The following BICC1 variants were observed in gnomAD, a reference collection of about 807,000 sequenced individuals.
The protein encoded by BICC1 is protein bicaudal C homolog 1.
BICC1 carries 43 observed loss-of-function variants against 111.0 expected under a neutral mutation model. The ratio of observed to expected loss-of-function variants is 0.39; its 90% CI spans 0.30 to 0.50. The LOEUF is 0.50. Among genes scored for constraint, BICC1 ranks in the 20% least tolerant of loss-of-function variants. BICC1 has a pLI of 0.88. For missense variants in BICC1, 1,091 were observed against 1,203.2 expected, an observed-to-expected ratio of 0.91 and a Z score of 1.38; for synonymous variants, 467 against 434.4, an observed-to-expected ratio of 1.07 and a Z score of -0.93.
At chr10:58,696,862 T>G (rs1840078629) in intron 2 of BICC1, among the ~76,000 whole-genome samples, 1 of 152,218 alleles carries the variant, frequency 6.6e-6, no homozygotes, top group Admixed American at 6.5e-5. Flanking sequence ...TTTGTGGTGG[T>G]GAAAACAGGG....
At chr10:58,663,594 G>A (rs1385223153) in intron 2 of BICC1, among the ~76,000 whole-genome samples, 3 of 152,152 alleles carry the variant, frequency 2.0e-5, no homozygotes, top group Non-Finnish European at 2.9e-5. Context: ...TCAGATCAGC[G>A]GCAGCATTAG....
intron 2 of BICC1, among the ~76,000 whole-genome samples, chr10:58,695,611 T>A (rs576257166): frequency 3.8e-4 from 58 of 152,348 alleles, no homozygotes; most frequent in Admixed American, 5.9e-4. Context: ...TCTGAGATGC[T>A]GATTACTTAC....
intron 3 of BICC1, among the ~76,000 whole-genome samples, chr10:58,741,951 A>G (rs1165481897): frequency 6.6e-6 from 1 of 152,218 alleles, no homozygotes; most frequent in Non-Finnish European, 1.5e-5. Flanking sequence ...ATAATCATTT[A>G]AGCCTTGGAC....
rs142406700 is a variant in BICC1 at position 58,796,379 on chromosome 10, A to G, written c.1219A>G (p.Met407Val). 43 of 1,613,832 alleles carry G rather than the reference A, an allele frequency of 2.7e-5. No homozygotes were observed. Among genetic ancestry groups the G allele is most frequent in the Non-Finnish European group, 6.8e-6 (8 of 1,179,986 alleles). Residue 407 changes from methionine (M) to valine (V), a missense_variant, in exon 10 of 21, where the codon ATG (methionine) becomes GTG (valine). By Grantham distance (21) the Met-to-Val change is conservative. This residue lies in a region of BICC1 where 843 missense variants were observed against 900.8 expected (regional missense o/e 0.94). Transcript: ENST00000373886. The part of the protein sequence containing the change: ...VKSVERNALN[M>V]YEARKCLLGL... Reference sequence around the variant, plus strand: ...AAGTGTTGAGCGAAATGCCTTAAATATGTATGAAGCAAGGAAATGTCTCCT... The same window carrying G: ...AAGTGTTGAGCGAAATGCCTTAAATGTGTATGAAGCAAGGAAATGTCTCCT...
At chr10:58,594,041 G>A (rs1286277279) in intron 1 of BICC1, among the ~76,000 whole-genome samples, 1 of 151,766 alleles carries the variant, frequency 6.6e-6, no homozygotes, top group Non-Finnish European at 1.5e-5. Context: ...ATGACCTGCT[G>A]GAGCTGAAAA....
At position 58,516,338 on chromosome 10, in the gene BICC1, A is replaced by C. The variant is rs145105092; in HGVS notation, c.190+3005A>C. On this transcript the variant is annotated intron_variant, in intron 1 of 20. Coordinates refer to ENST00000373886, the MANE Select transcript of BICC1 (RefSeq NM_001080512.3). Reference sequence around the variant, plus strand: ...TATTAGTAGATAAATTCTTCTACGCAATGGACCAAAAATTCAGTGAGGTTA... The same window carrying C: ...TATTAGTAGATAAATTCTTCTACGCCATGGACCAAAAATTCAGTGAGGTTA... 1.4e-3 allele frequency among the ~76,000 whole-genome samples: 211 copies of C among 152,292 alleles called. 1 individual carries two copies. The highest frequency in any genetic ancestry group is 4.7e-3 in the African/African-American group (195 of 41,570).
intron 1 of BICC1, among the ~76,000 whole-genome samples, chr10:58,538,995 A>T (rs531037737): frequency 6.6e-6 from 1 of 151,848 alleles, no homozygotes; most frequent in East Asian, 1.9e-4. Flanking sequence ...GTAAATTAGT[A>T]TAACTTCTAT....
chr10:58,691,246 T>C (rs1564556568), intron 2 of BICC1, among the ~76,000 whole-genome samples: 1 of 152,192 alleles, frequency 6.6e-6, no homozygotes, highest in Non-Finnish European at 1.5e-5. Context: ...CTAGGAATTA[T>C]TTGTGTTGTC....
chr10:58,569,843 A>G (rs1843891189), intron 1 of BICC1, among the ~76,000 whole-genome samples: 1 of 152,204 alleles, frequency 6.6e-6, no homozygotes, highest in Non-Finnish European at 1.5e-5. Context: ...ATAGTGTTAC[A>G]GTAAACATAT....
intron 19 of BICC1, among the ~76,000 whole-genome samples, chr10:58,818,073 CTGT>C (rs939461881): frequency 6.6e-6 from 1 of 152,142 alleles, no homozygotes; most frequent in African/African-American, 2.4e-5. Flanking sequence ...CATTTTGAAT[CTGT>C]TGTTATCTTT....
chr10:58,577,139 G>C (rs1443154530), intron 1 of BICC1, among the ~76,000 whole-genome samples: 2 of 152,086 alleles, frequency 1.3e-5, no homozygotes, highest in African/African-American at 2.4e-5. Flanking sequence ...GTCAGTGCTG[G>C]GTTTCCCTGA....
At position 58,622,847 on chromosome 10, in the gene BICC1, T is replaced by C. The variant is rs1431631491; in HGVS notation, c.237+1946T>C. ...CATGTATTCTAGTTTTACATGACATTTTGGGAAGCATTTAAGAAATAGGCT... is the reference window on the plus strand; with the variant it reads ...CATGTATTCTAGTTTTACATGACATCTTGGGAAGCATTTAAGAAATAGGCT... On this transcript the variant is annotated intron_variant, in intron 2 of 20. Coordinates refer to ENST00000373886, the MANE Select transcript of BICC1 (RefSeq NM_001080512.3). 2.0e-5 allele frequency among the ~76,000 whole-genome samples: 3 copies of C among 152,198 alleles called. No homozygotes were observed. The East Asian group carries it at 5.8e-4, about 29-fold the overall frequency.
chr10:58,577,720 T>C (rs562029786), intron 1 of BICC1, among the ~76,000 whole-genome samples: 1 of 152,350 alleles, frequency 6.6e-6, no homozygotes, highest in African/African-American at 2.4e-5. Flanking sequence ...TTTGAAAATA[T>C]ACATACCTGA....
chr10:58,739,251 G>A (rs1329103375), intron 3 of BICC1, among the ~76,000 whole-genome samples: 3 of 152,074 alleles, frequency 2.0e-5, no homozygotes, highest in African/African-American at 7.2e-5. Flanking sequence ...TTTGAGATGC[G>A]TCCCATCAAT....
intron 3 of BICC1, among the ~76,000 whole-genome samples, chr10:58,765,332 C>A (rs1278442126): frequency 1.3e-5 from 2 of 151,980 alleles, no homozygotes; most frequent in Non-Finnish European, 2.9e-5. Flanking sequence ...GCTGGCATTA[C>A]AGGTGTGAGC....
At chr10:58,690,566 G>C (rs1163407338) in intron 2 of BICC1, among the ~76,000 whole-genome samples, 4 of 152,186 alleles carry the variant, frequency 2.6e-5, no homozygotes, top group African/African-American at 9.7e-5. Flanking sequence ...GGAGCACAAT[G>C]AATACATACC....
chr10:58,584,429 A>T (rs1028247528), intron 1 of BICC1, among the ~76,000 whole-genome samples: 6 of 152,054 alleles, frequency 3.9e-5, no homozygotes, highest in Non-Finnish European at 7.4e-5. Flanking sequence ...CTCTGGGAGG[A>T]GGTGACTTCG....
chr10:58,822,488 C>G (rs1238604995), intron 20 of BICC1, among the ~76,000 whole-genome samples: 1 of 152,016 alleles, frequency 6.6e-6, no homozygotes, highest in Non-Finnish European at 1.5e-5. Flanking sequence ...TAATCATCTT[C>G]TTTGTCATTC....
At chr10:58,698,594 A>T (rs942513243) in intron 2 of BICC1, among the ~76,000 whole-genome samples, 1 of 152,166 alleles carries the variant, frequency 6.6e-6, no homozygotes, top group African/African-American at 2.4e-5. Flanking sequence ...CGGTTGGCTT[A>T]TCTTCTCCCT....
Sources: gnomAD v4.1 joint callset for allele counts (sites outside exome capture counted in the v4.1 genomes callset) on GRCh38, gnomAD v4.1.1 for gene constraint, gnomAD v4.1.1 regional missense constraint, MANE v1.5 for transcripts, NCBI Gene and HGNC (gene_info 2026-07-23, HGNC 2026-07-21) for gene names.